BRPF1: variants seen among roughly 807,000 people sequenced by gnomAD.
The protein encoded by BRPF1 is bromodomain and PHD finger containing 1, also known as peregrin.
Under a neutral mutation model 115.0 loss-of-function variants are expected in BRPF1, and 15 were observed. That is an observed-to-expected ratio of 0.13 (90% CI 0.09 to 0.20). The LOEUF (loss-of-function observed/expected upper bound fraction) is 0.20. Among genes scored for constraint, BRPF1 ranks in the 10% least tolerant of loss-of-function variants. BRPF1 has a pLI of 1.00. For missense variants in BRPF1, 1,118 were observed against 1,638.3 expected, an observed-to-expected ratio of 0.68 and a Z score of 5.48; for synonymous variants, 647 against 619.8, an observed-to-expected ratio of 1.04 and a Z score of -0.65.
At chr3:9,746,966 A>C (rs554972055) in intron 13 of BRPF1, among the ~76,000 whole-genome samples, 200 bp from the exon 14 acceptor site, 1 of 152,044 alleles carries the variant, frequency 6.6e-6, no homozygotes, top group Non-Finnish European at 1.5e-5. Flanking sequence ...CCCTGTGATT[A>C]CCCTCCCGCC....
In BRPF1 at chr3:9,734,371, C is replaced by T; in HGVS notation, c.231C>T (p.Ser77=). The T allele has an allele frequency of 1.9e-6, 3 of 1,614,048 alleles. No homozygotes were observed. Among genetic ancestry groups the T allele is most frequent in the Non-Finnish European group, 2.5e-6 (3 of 1,180,016 alleles). ...QSRPANKQSP[S]PSEVSQSPGR... is the part of the protein sequence containing the mutation. ...GCCCAGCCAACAAGCAGTCACCCAG[C>T]CCCTCAGAGGTCTCACAGTCACCAG... The change falls in exon 2 of 14, where the codon AGC becomes AGT. Residue 77 remains serine (S), a synonymous_variant. Transcript: ENST00000383829. This position sits in a 1 kb window ranked among gnomAD's most constrained non-coding sequence, Gnocchi z 5.7.
At chr3:9,742,507 C>G (rs1002560465) in intron 6 of BRPF1, 63 of 985,280 alleles carry the variant, frequency 6.4e-5, no homozygotes, top group Non-Finnish European at 7.2e-5. Context: ...CTCTGAAGCC[C>G]TAGGTCCTGA....
Position 9,743,278 on chromosome 3 carries a change from A to G in BRPF1, c.2311+25A>G, listed in dbSNP as rs372760268. 5.0e-6 allele frequency: 8 copies of G among 1,595,264 alleles called. No individual in the cohort carries two copies. In the African/African-American group the frequency reaches 6.7e-5, roughly 13 times the overall value. On this transcript the variant is annotated intron_variant, in intron 7 of 13. Transcript: ENST00000383829. The surrounding 1 kb of genome is among the most constrained non-coding windows in gnomAD (Gnocchi z 6.1). ...GGTGGGTGATATATCACACACACAT[A>G]TAAGAGGCCAATGCCGGGGATGGAC... is the stretch of plus-strand genomic sequence containing the variant.
chr3:9,739,653 C>T lies in BRPF1; in HGVS notation c.1254C>T (p.Gly418=), dbSNP rs373004449. 6.2e-7 allele frequency: 1 copy of T among 1,611,834 alleles called. No individual in the cohort carries two copies. Among genetic ancestry groups the T allele is most frequent in the African/African-American group, 1.3e-5 (1 of 74,898 alleles). Residue 418 remains glycine, a synonymous_variant, in exon 3 of 14, where the codon GGC becomes GGT. Transcript: ENST00000383829. ...AFHVTCAQQA[G]LYMKMEPVRE... ...ATGTGACATGCGCCCAGCAGGCTGG[C>T]CTTTACATGAAGATGGAGCCTGTGC...
intron 8 of BRPF1, 113 bp from the exon 9 acceptor site, chr3:9,744,111 T>C: frequency 7.4e-7 from 1 of 1,359,420 alleles, no homozygotes; most frequent in Non-Finnish European, 1.0e-6. Context: ...TAAAATGATC[T>C]CCCCAACGTT....
rs2077155219 is a variant in BRPF1, at chr3:9,747,903, G to C, written c.*554G>C. The C allele has an allele frequency of 6.6e-6, 1 of 151,418 alleles. No homozygotes were observed. Among genetic ancestry groups the C allele is most frequent in the African/African-American group, 2.4e-5 (1 of 41,120 alleles). The allele number at this position is 151,418 out of a possible 1,614,324, so 9.4% of individuals were successfully genotyped here. ...AAAAAAAAAAAAAAGACTGGGGGCTGTCCCCATTTCCCTTCTCTTTCCCAT... is the reference window on the plus strand; with the variant it reads ...AAAAAAAAAAAAAAGACTGGGGGCTCTCCCCATTTCCCTTCTCTTTCCCAT... On this transcript the variant is annotated 3_prime_UTR_variant, in exon 14 of 14. Transcript: ENST00000383829. The surrounding 1 kb of genome is among the most constrained non-coding windows in gnomAD (Gnocchi z 5.6).
intron 1 of BRPF1, chr3:9,732,802 G>A (rs1175453139): frequency 6.6e-6 from 1 of 152,314 alleles, no homozygotes; most frequent in Admixed American, 6.5e-5. Context: ...AGGTGGAGAG[G>A]CCAAGAGGGG....
chr3:9,745,526 C>G lies in BRPF1; in HGVS notation c.3069-47C>G. On this transcript the variant is annotated intron_variant, in intron 10 of 13. Coordinates refer to ENST00000383829, the MANE Select transcript of BRPF1 (RefSeq NM_001003694.2). This position sits in a 1 kb window ranked among gnomAD's most constrained non-coding sequence, Gnocchi z 5.1. ...CTGAGGGCACATACCATGCTGTTCCCCATTCTTCCCCTCCTTTGAGCTGAG... is the reference window on the plus strand; with the variant it reads ...CTGAGGGCACATACCATGCTGTTCCGCATTCTTCCCCTCCTTTGAGCTGAG... 1.3e-6 allele frequency: 2 copies of G among 1,599,506 alleles called. No individual in the cohort carries two copies. Among genetic ancestry groups the G allele is most frequent in the Non-Finnish European group, 8.6e-7 (1 of 1,167,210 alleles).
chr3:9,738,945 T>G, intron 2 of BRPF1, 54 bp from the exon 3 acceptor site: 1 of 1,505,194 alleles, frequency 6.6e-7, no homozygotes, highest in Non-Finnish European at 8.9e-7. Flanking sequence ...CCCATCATCT[T>G]TAAGGGAGGG....
chr3:9,738,348 G>A (rs903816544), intron 2 of BRPF1, among the ~76,000 whole-genome samples: 3 of 152,200 alleles, frequency 2.0e-5, no homozygotes, highest in Admixed American at 1.3e-4. Flanking sequence ...AAGAATAAAT[G>A]TAATAGTTAA....
At position 9,744,500 on chromosome 3, in the gene BRPF1, C is replaced by T. The variant is rs531079165; in HGVS notation, c.2912C>T (p.Pro971Leu). 1.3e-6 allele frequency: 2 copies of T among 1,520,770 alleles called. No individual in the cohort carries two copies. The highest frequency in any genetic ancestry group is 4.7e-5 in the East Asian group (2 of 42,916). 94.2% of individuals were successfully genotyped at this position (1,520,770 alleles called of 1,614,324 possible). The change falls in exon 9 of 14, where the codon CCC becomes CTC. Residue 971 changes from proline to leucine, a missense_variant. Pro to Leu is a moderately conservative substitution (Grantham distance 98). Coordinates refer to ENST00000383829, the MANE Select transcript of BRPF1 (RefSeq NM_001003694.2). The stretch of plus-strand genomic sequence containing the variant: ...GACAGTGATAAGTCCACAGAAGACC[C>T]CCCAATGGGTGAGCCTTACCATCAC... ...DSDSDKSTEDPPMDLPANGFS... is the reference protein window; with the variant it reads ...DSDSDKSTEDLPMDLPANGFS...
chr3:9,735,805 G>T (rs1279560237), intron 2 of BRPF1, among the ~76,000 whole-genome samples: 1 of 152,144 alleles, frequency 6.6e-6, no homozygotes, highest in Non-Finnish European at 1.5e-5. Context: ...CTGAAGGATG[G>T]CACTAAAACC....
chr3:9,735,826 CCT>C, intron 2 of BRPF1, among the ~76,000 whole-genome samples: 1 of 152,070 alleles, frequency 6.6e-6, no homozygotes, highest in East Asian at 1.9e-4. Context: ...AAGTGTAAAA[CCT>C]CTCTGAAAGT....
rs1346897069 is a variant in BRPF1, at chr3:9,744,433, A to G, written c.2845A>G (p.Lys949Glu). 6.2e-6 allele frequency: 10 copies of G among 1,609,996 alleles called. No homozygotes were observed. The highest frequency in any genetic ancestry group is 8.5e-6 in the Non-Finnish European group (10 of 1,178,354). ...LPIMSSLRQR[K>E]RGRSPRPSSS... Reference sequence around the variant, plus strand: ...CATCATGAGTTCCCTGCGTCAGCGCAAGCGGGGTAGGAGCCCCCGGCCCAG... The same window carrying G: ...CATCATGAGTTCCCTGCGTCAGCGCGAGCGGGGTAGGAGCCCCCGGCCCAG... The change falls in exon 9 of 14, where the codon AAG (lysine) becomes GAG (glutamate). Residue 949 changes from lysine to glutamate, a missense_variant. Physicochemically the swap from Lys to Glu is moderately conservative, Grantham distance 56. Coordinates refer to ENST00000383829, the MANE Select transcript of BRPF1 (RefSeq NM_001003694.2).
chr3:9,745,492 C>T lies in BRPF1; in HGVS notation c.3069-81C>T. 1 of 1,502,082 alleles carries T rather than the reference C, an allele frequency of 6.7e-7. No homozygotes were observed. The highest frequency in any genetic ancestry group is 1.2e-5 in the South Asian group (1 of 86,542). The allele number at this position is 1,502,082 out of a possible 1,614,324, so 93.0% of individuals were successfully genotyped here. ...TTCCAAAAGTCTCAGACCCTGCGGG[C>T]TTTAAGAGCTGAGGGCACATACCAT... is the stretch of plus-strand genomic sequence containing the variant. On this transcript the variant is annotated intron_variant, in intron 10 of 13. Transcript: ENST00000383829. This position sits in a 1 kb window ranked among gnomAD's most constrained non-coding sequence, Gnocchi z 5.1.
intron 1 of BRPF1, chr3:9,733,246 C>G (rs932811067): frequency 6.6e-6 from 1 of 152,242 alleles, no homozygotes; most frequent in Non-Finnish European, 1.5e-5. Context: ...TTCTGTGATC[C>G]AGTGATTTCT....
intron 6 of BRPF1, 183 bp downstream of exon 6, chr3:9,742,354 C>T (rs910450116): frequency 1.0e-6 from 1 of 985,272 alleles, no homozygotes; most frequent in Non-Finnish European, 1.2e-6. Flanking sequence ...ACCCCAAGGG[C>T]CCAGAATGGG....
At chr3:9,744,895 A>C (rs2125512883) in intron 9 of BRPF1, 113 bp from the exon 10 acceptor site, 1 of 1,454,492 alleles carries the variant, frequency 6.9e-7, no homozygotes. Flanking sequence ...GGTTGGAGGA[A>C]TTTTCCAGCA....
At chr3:9,740,729 T>C (rs2077014601) in intron 3 of BRPF1, 50 bp from the exon 4 acceptor site, 2 of 1,603,624 alleles carry the variant, frequency 1.2e-6, no homozygotes. Flanking sequence ...TTGCTCTGCT[T>C]AAGAGAATCA....
Sources: allele counts gnomAD v4.1 joint callset (sites outside exome capture counted in the v4.1 genomes callset), GRCh38; gene constraint gnomAD v4.1.1; non-coding constraint Gnocchi (gnomAD v3.1); transcripts MANE v1.5; gene names NCBI Gene and HGNC (gene_info 2026-07-23, HGNC 2026-07-21).